ST6GAL1: variants seen among roughly 807,000 people sequenced by gnomAD.
ST6GAL1 encodes beta-galactoside alpha-2,6-sialyltransferase 1.
A neutral mutation model predicts 38.0 loss-of-function variants in ST6GAL1; 20 were observed. That is an observed-to-expected ratio of 0.53 (90% CI 0.37 to 0.77). ST6GAL1 has a LOEUF of 0.77. Ranked by LOEUF, ST6GAL1 falls within the 30% of genes least tolerant of loss-of-function variation. The pLI is 0.00. For synonymous variants in ST6GAL1, 196 were observed against 188.2 expected (o/e 1.04, Z -0.34); for missense variants, 432 against 496.4 (o/e 0.87, Z 1.23).
At position 187,043,298 on chromosome 3, in the gene ST6GAL1, G is replaced by A. The variant is rs747333324; in HGVS notation, c.595G>A (p.Gly199Ser). Residue 199 changes from glycine (G) to serine (S), a missense_variant, in exon 4 of 8, where the codon GGC (glycine) becomes AGC (serine). Coordinates refer to ENST00000169298, the MANE Select transcript of ST6GAL1 (RefSeq NM_173216.2). ...GGGATCTCTGAAGTCCTCCCAACTAGGCAGAGAAATCGGTATGTTCTGGGG... is the reference window on the plus strand; with the variant it reads ...GGGATCTCTGAAGTCCTCCCAACTAAGCAGAGAAATCGGTATGTTCTGGGG... ...SAGSLKSSQL[G>S]REIDDHDAVL... is the part of the protein sequence containing the mutation. 1.2e-6 allele frequency: 2 copies of A among 1,613,482 alleles called. No individual in the cohort carries two copies. The highest frequency in any genetic ancestry group is 1.7e-5 in the Admixed American group (1 of 60,006).
At chr3:187,029,417 A>C (rs1233263781) in intron 2 of ST6GAL1, among the ~76,000 whole-genome samples, 4 of 152,200 alleles carry the variant, frequency 2.6e-5, no homozygotes, top group African/African-American at 9.7e-5. Context: ...GTTCATCTAT[A>C]GTAATGAGGC....
At chr3:186,958,432 T>C (rs1714816627) in intron 1 of ST6GAL1, among the ~76,000 whole-genome samples, 1 of 152,162 alleles carries the variant, frequency 6.6e-6, no homozygotes, top group African/African-American at 2.4e-5. Context: ...TAAATCCTTA[T>C]TTTCTATAAT....
chr3:187,000,577 T>C (rs1019561122), intron 2 of ST6GAL1, among the ~76,000 whole-genome samples: 5 of 136,662 alleles, frequency 3.7e-5, no homozygotes, highest in African/African-American at 5.5e-5. Flanking sequence ...AAAAGTTTAT[T>C]TTGTTTCTAT....
intron 2 of ST6GAL1, among the ~76,000 whole-genome samples, chr3:187,029,088 T>TAAAAAAA (rs56166685): frequency 1.0e-4 from 11 of 105,942 alleles, no homozygotes; most frequent in Non-Finnish European, 1.7e-4. Context: ...ACCTTGTCTC[T>TAAAAAAA]AAAAAAAAAA....
chr3:187,016,119 A>G (rs1717107746), intron 2 of ST6GAL1, among the ~76,000 whole-genome samples: 2 of 152,196 alleles, frequency 1.3e-5, no homozygotes, highest in African/African-American at 2.4e-5. Flanking sequence ...CTTTCTGTAC[A>G]GAGCCGCAGA....
intron 2 of ST6GAL1, among the ~76,000 whole-genome samples, chr3:186,983,210 G>A (rs1715752234): frequency 6.6e-6 from 1 of 152,014 alleles, no homozygotes; most frequent in East Asian, 1.9e-4. Context: ...CCACGGTTTG[G>A]GCACTGGACA....
At chr3:187,051,520 T>A in intron 5 of ST6GAL1, 174 bp downstream of exon 5, 1 of 598,034 alleles carries the variant, frequency 1.7e-6, no homozygotes, top group Middle Eastern at 2.9e-4. Flanking sequence ...AACCTGATGA[T>A]GTGTTTATTT....
Position 187,072,892 on chromosome 3 carries a change from A to G in ST6GAL1, c.749A>G (p.Asn250Ser), listed in dbSNP as rs146167852. The G allele has an allele frequency of 3.8e-5, 61 of 1,614,074 alleles. No individual in the cohort carries two copies. The African/African-American group carries it at 7.1e-4, about 19-fold the overall frequency. The change falls in exon 6 of 8, where the codon AAT (asparagine) becomes AGT (serine). Residue 250 changes from asparagine to serine, a missense_variant. Coordinates refer to ENST00000169298, the MANE Select transcript of ST6GAL1 (RefSeq NM_173216.2). The stretch of plus-strand genomic sequence containing the variant: ...CGCTTCCTCAAAGACAGTTTGTACA[A>G]TGAAGGAATCCTAATTGTATGGGAC... ...EKRFLKDSLY[N>S]EGILIVWDPS...
In ST6GAL1 at chr3:187,075,788, G is replaced by C; in HGVS notation, c.1206G>C (p.Arg402=). The change falls in exon 8 of 8, where the codon CGG becomes CGC. Residue 402 remains arginine (R), a synonymous_variant. Transcript: ENST00000169298. The surrounding 1 kb of genome is among the most constrained non-coding windows in gnomAD (Gnocchi z 4.1). ...LLGKATLPGF[R]TIHC is the part of the protein sequence containing the mutation. ...GAAAAGCCACACTGCCTGGCTTCCG[G>C]ACCATTCACTGCTAAGCACAGGCTC... is the stretch of plus-strand genomic sequence containing the variant. The C allele has an allele frequency of 6.2e-7, 1 of 1,614,150 alleles. No individual in the cohort carries two copies. The highest frequency in any genetic ancestry group is 8.5e-7 in the Non-Finnish European group (1 of 1,180,012).
intron 2 of ST6GAL1, among the ~76,000 whole-genome samples, chr3:186,989,766 G>A (rs7622117): frequency 0.44 from 66,701 of 152,122 alleles, 14,875 homozygotes; most frequent in East Asian, 0.55. Context: ...CCACCAGGTA[G>A]CATTTACTAT....
intron 1 of ST6GAL1, among the ~76,000 whole-genome samples, chr3:186,947,325 T>G (rs1238098738): frequency 6.6e-6 from 1 of 152,152 alleles, no homozygotes; most frequent in Non-Finnish European, 1.5e-5. Context: ...ACAGAGAAGG[T>G]GAGCATTAAA....
chr3:187,034,041 G>A (rs557262447), intron 2 of ST6GAL1, among the ~76,000 whole-genome samples: 236 of 152,094 alleles, frequency 1.6e-3, no homozygotes, highest in African/African-American at 5.4e-3. Context: ...AAAGAGAGAA[G>A]ATACAAATAA....
At chr3:186,988,572 G>C (rs1471075105) in intron 2 of ST6GAL1, among the ~76,000 whole-genome samples, 1 of 138,726 alleles carries the variant, frequency 7.2e-6, no homozygotes, top group South Asian at 2.3e-4. Context: ...GGGTGGGGGG[G>C]TGGTGGTGGG....
At chr3:187,049,422 T>C (rs939163227) in intron 4 of ST6GAL1, among the ~76,000 whole-genome samples, 1 of 152,178 alleles carries the variant, frequency 6.6e-6, no homozygotes, top group Non-Finnish European at 1.5e-5. Flanking sequence ...CTGTCCCTTT[T>C]CCCTTCAGTT....
intron 1 of ST6GAL1, among the ~76,000 whole-genome samples, chr3:186,953,548 C>G (rs1190317022): frequency 6.6e-6 from 1 of 152,154 alleles, no homozygotes; most frequent in Non-Finnish European, 1.5e-5. Context: ...CCCTTTTATC[C>G]TTCCTTGTTG....
intron 1 of ST6GAL1, among the ~76,000 whole-genome samples, chr3:186,959,349 TGTGTGGAACTCTGGCTTA>T: frequency 6.6e-6 from 1 of 152,296 alleles, no homozygotes; most frequent in East Asian, 1.9e-4. Flanking sequence ...GGCAGCTTTG[TGTGTGGAACTCTGGCTTA>T]GTCACTTACC....
At chr3:186,941,580 G>A (rs1220407863) in intron 1 of ST6GAL1, among the ~76,000 whole-genome samples, 3 of 152,146 alleles carry the variant, frequency 2.0e-5, no homozygotes, top group African/African-American at 7.2e-5. Flanking sequence ...GACGGGAGAA[G>A]CAAGATGGGC....
intron 2 of ST6GAL1, among the ~76,000 whole-genome samples, chr3:187,007,544 T>A (rs1716822823): frequency 1.3e-5 from 2 of 152,154 alleles, no homozygotes; most frequent in South Asian, 4.1e-4. Context: ...CTAAGTGGAT[T>A]AATTTCCTGG....
intron 1 of ST6GAL1, among the ~76,000 whole-genome samples, chr3:186,939,314 C>A (rs965775501): frequency 3.9e-5 from 6 of 152,184 alleles, no homozygotes; most frequent in African/African-American, 1.4e-4. Context: ...CTCAACCGAT[C>A]CTCCTGCCTT....
Sources: allele counts gnomAD v4.1 joint callset (sites outside exome capture counted in the v4.1 genomes callset), GRCh38; gene constraint gnomAD v4.1.1; non-coding constraint Gnocchi (gnomAD v3.1); transcripts MANE v1.5; gene names NCBI Gene and HGNC (gene_info 2026-07-23, HGNC 2026-07-21).